The following U2SURP variants were observed in gnomAD, a reference collection of about 807,000 sequenced individuals.
U2SURP encodes U2 snRNP-associated SURP motif-containing protein.
In U2SURP, 9 loss-of-function variants were observed where a neutral mutation model predicts 144.9. The observed-to-expected ratio is 0.06, with a 90% confidence interval of 0.04 to 0.11. The LOEUF is 0.11. Among genes scored for constraint, U2SURP ranks in the 10% least tolerant of loss-of-function variants. The pLI is 1.00. For synonymous variants in U2SURP, 408 were observed against 396.8 expected (o/e 1.03, Z -0.33); for missense variants, 724 against 1,226.7 (o/e 0.59, Z 6.12).
At chr3:143,004,436 T>A (rs573640485) in intron 1 of U2SURP, among the ~76,000 whole-genome samples, 13 of 129,498 alleles carry the variant, frequency 1.0e-4, no homozygotes, top group African/African-American at 3.5e-4. Context: ...CAATCTCAGC[T>A]CACTGCAACC....
chr3:143,032,464 A>G (rs867381891), intron 16 of U2SURP, among the ~76,000 whole-genome samples: 13 of 152,362 alleles, frequency 8.5e-5, no homozygotes, highest in Middle Eastern at 3.4e-3. Context: ...AGTAAAGAAC[A>G]TGAAAGTTCT....
chr3:143,043,266 G>A lies in U2SURP; in HGVS notation c.2534G>A (p.Arg845His). The change falls in exon 24 of 28, where the codon CGT becomes CAT. Residue 845 changes from arginine to histidine, a missense_variant. Arg to His is a conservative substitution (Grantham distance 29, BLOSUM62 0). This residue lies in a region of U2SURP where 18 missense variants were observed against 48.8 expected (regional missense o/e 0.37). Transcript: ENST00000473835. ...EMSEEKRAKL[R>H]EIELKVMKFQ... ...AGTGAGGAAAAACGAGCCAAACTTCGTGAAATTGAGGTTGGTGTTGCAGTG... is the reference window on the plus strand; with the variant it reads ...AGTGAGGAAAAACGAGCCAAACTTCATGAAATTGAGGTTGGTGTTGCAGTG... 6.3e-7 allele frequency: 1 copy of A among 1,597,710 alleles called. No individual in the cohort carries two copies. Among genetic ancestry groups the A allele is most frequent in the African/African-American group, 1.3e-5 (1 of 74,600 alleles).
chr3:143,054,352 C>G (rs767148397), intron 26 of U2SURP, among the ~76,000 whole-genome samples: 3 of 152,082 alleles, frequency 2.0e-5, no homozygotes, highest in African/African-American at 7.2e-5. Context: ...ATAAAAAGAC[C>G]AAGCCATTGC....
chr3:143,001,657 A>G lies in U2SURP; in HGVS notation c.29A>G (p.Gln10Arg). ...GCGGACAAAACGCCAGGCGGATCTC[A>G]GAAGGCCAGTTCAAAGGTAATTTCT... MADKTPGGS[Q>R]KASSKTRSSD... The change falls in exon 1 of 28, where the codon CAG becomes CGG. Residue 10 changes from glutamine to arginine, a missense_variant. Physicochemically the swap from Gln to Arg is conservative, Grantham distance 43. Coordinates refer to ENST00000473835, the MANE Select transcript of U2SURP (RefSeq NM_001080415.2). The G allele has an allele frequency of 6.2e-7, 1 of 1,614,020 alleles. No individual in the cohort carries two copies. Among genetic ancestry groups the G allele is most frequent in the Non-Finnish European group, 8.5e-7 (1 of 1,179,880 alleles).
At chr3:143,014,787 A>G (rs1319930978) in intron 4 of U2SURP, among the ~76,000 whole-genome samples, 1 of 152,110 alleles carries the variant, frequency 6.6e-6, no homozygotes, top group Non-Finnish European at 1.5e-5. Flanking sequence ...CCTCAAGTAT[A>G]TAGAAATACT....
In U2SURP at chr3:143,038,343, T is replaced by G. The variant is rs16852915; in HGVS notation, c.2317+140T>G. ...CAATGTTGTCATATTTTGTGTCTAA[T>G]GTATGCTTTTATTGTGGTTGGTGTT... On this transcript the variant is annotated intron_variant, in intron 22 of 27. Coordinates refer to ENST00000473835, the MANE Select transcript of U2SURP (RefSeq NM_001080415.2). 36,694 of 629,696 alleles carry G rather than the reference T, an allele frequency of 0.058. 1,340 individuals carry two copies. Among genetic ancestry groups the G allele is most frequent in the Middle Eastern group, 0.081 (174 of 2,138 alleles). The allele number at this position is 629,696 out of a possible 1,614,324, so 39.0% of individuals were successfully genotyped here. A position where few individuals can be genotyped will look rare whatever the true frequency, so the allele number is the denominator to read the frequency against.
intron 25 of U2SURP, among the ~76,000 whole-genome samples, 192 bp from the exon 26 acceptor site, chr3:143,053,484 A>C (rs938097091): frequency 2.6e-5 from 4 of 151,828 alleles, no homozygotes; most frequent in Non-Finnish European, 5.9e-5. Flanking sequence ...TGCTAGGATT[A>C]GTTTTATTCA....
chr3:143,033,095 T>C lies in U2SURP; in HGVS notation c.1773+149T>C, dbSNP rs547309237. The stretch of plus-strand genomic sequence containing the variant: ...GCTTGGAAATTTAGGTTCATTAACA[T>C]ACAAGTTAACAAACAAGTTGAAATG... On this transcript the variant is annotated intron_variant, in intron 17 of 27. Coordinates refer to ENST00000473835, the MANE Select transcript of U2SURP (RefSeq NM_001080415.2). The C allele has an allele frequency of 8.5e-4, 846 of 1,001,126 alleles. 4 individuals carry two copies. The Middle Eastern group carries it at 0.015, about 18-fold the overall frequency. 62.0% of individuals were successfully genotyped at this position (1,001,126 alleles called of 1,614,324 possible).
At chr3:143,055,179 C>T in intron 27 of U2SURP, 60 bp downstream of exon 27, 1 of 1,383,644 alleles carries the variant, frequency 7.2e-7, no homozygotes, top group Non-Finnish European at 9.6e-7. Flanking sequence ...ATTTCATCAG[C>T]TTTTGAAAAT....
chr3:143,040,284 G>C (rs901040863), intron 23 of U2SURP, among the ~76,000 whole-genome samples: 1 of 151,730 alleles, frequency 6.6e-6, no homozygotes, highest in African/African-American at 2.4e-5. Flanking sequence ...GTTGGAATAC[G>C]CATACATTAA....
At chr3:143,051,602 CAAAAAAAAA>C (rs3041537) in intron 25 of U2SURP, among the ~76,000 whole-genome samples, 10 of 90,630 alleles carry the variant, frequency 1.1e-4, no homozygotes, top group South Asian at 5.0e-4. Flanking sequence ...ACTGTCGTTG[CAAAAAAAAA>C]AAAAAAAAAA....
At chr3:143,027,052 T>A in intron 13 of U2SURP, 97 bp from the exon 14 acceptor site, 2 of 935,328 alleles carry the variant, frequency 2.1e-6, no homozygotes, top group Admixed American at 4.4e-5. Context: ...GTCAGCAGAA[T>A]AATCATTTTC....
At chr3:143,027,026 A>T in intron 13 of U2SURP, 123 bp from the exon 14 acceptor site, 2 of 730,632 alleles carry the variant, frequency 2.7e-6, no homozygotes, top group Non-Finnish European at 2.3e-6. Context: ...CTTTTTTGGT[A>T]TTAAATTCGG....
At chr3:143,033,028 T>C (rs1344953653) in intron 17 of U2SURP, 82 bp downstream of exon 17, 8 of 1,452,290 alleles carry the variant, frequency 5.5e-6, no homozygotes, top group Non-Finnish European at 6.5e-6. Flanking sequence ...CACAAAGCAC[T>C]TGACTGATGA....
chr3:143,003,735 G>C (rs1411289092), intron 1 of U2SURP, among the ~76,000 whole-genome samples: 3 of 142,904 alleles, frequency 2.1e-5, no homozygotes, highest in Non-Finnish European at 4.5e-5. Flanking sequence ...CCAGGCTGGA[G>C]TGCTGGAGTG....
chr3:143,059,959 TTAGATAA>T lies in U2SURP; in HGVS notation c.*3512_*3518del, dbSNP rs1192990710. The T allele has an allele frequency of 6.6e-6, 1 of 152,352 alleles. No homozygotes were observed. The highest frequency in any genetic ancestry group is 1.9e-4 in the East Asian group (1 of 5,196). 9.4% of individuals were successfully genotyped at this position (152,352 alleles called of 1,614,324 possible). A position where few individuals can be genotyped will look rare whatever the true frequency, so the allele number is the denominator to read the frequency against. On this transcript the variant is annotated 3_prime_UTR_variant, in exon 28 of 28. Transcript: ENST00000473835. ...ATTTTTGTTACCAACTTCCTAGGAC[TTAGATAA>T]TATATAAATAAGTACAAATCCCAGG...
At chr3:143,038,499 A>G (rs1157620853) in intron 22 of U2SURP, among the ~76,000 whole-genome samples, 1 of 152,066 alleles carries the variant, frequency 6.6e-6, no homozygotes, top group Non-Finnish European at 1.5e-5. Context: ...AGAAATCTAC[A>G]TAGAGGTCAG....
rs145703124 is a variant in U2SURP, at chr3:143,027,745, G to A, written c.1379+492G>A. On this transcript the variant is annotated intron_variant, in intron 14 of 27. Coordinates refer to ENST00000473835, the MANE Select transcript of U2SURP (RefSeq NM_001080415.2). ...TATTTCCAAGAATAAAGTTGTAAAA[G>A]TATGGGATTAGTTCTGCAACGGGAT... 6.1e-3 allele frequency among the ~76,000 whole-genome samples: 933 copies of A among 152,280 alleles called. 5 individuals are homozygous for A. The highest frequency in any genetic ancestry group is 0.034 in the Middle Eastern group (10 of 294).
intron 23 of U2SURP, among the ~76,000 whole-genome samples, chr3:143,041,303 T>TA (rs1367126375): frequency 6.6e-6 from 1 of 151,888 alleles, no homozygotes; most frequent in Non-Finnish European, 1.5e-5. Flanking sequence ...TCTTGTGTTT[T>TA]AAAAAAATTA....
Sources: gnomAD v4.1 joint callset for allele counts (sites outside exome capture counted in the v4.1 genomes callset) on GRCh38, gnomAD v4.1.1 for gene constraint, gnomAD v4.1.1 regional missense constraint, MANE v1.5 for transcripts, NCBI Gene and HGNC (gene_info 2026-07-23, HGNC 2026-07-21) for gene names.